Variants in ADA2 observed in about 807,000 individuals in gnomAD.
ADA2 encodes adenosine deaminase CECR1.
In ADA2, 29 loss-of-function variants were observed where a neutral mutation model predicts 44.2. That is an observed-to-expected ratio of 0.66 (90% CI 0.49 to 0.89). The LOEUF (loss-of-function observed/expected upper bound fraction) is 0.89. Ranked by LOEUF, ADA2 falls within the 40% of genes least tolerant of loss-of-function variation. ADA2 has a pLI of 0.00. For synonymous variants in ADA2, 215 were observed against 234.9 expected, an observed-to-expected ratio of 0.92 and a Z score of 0.77; for missense variants, 637 against 644.8, an observed-to-expected ratio of 0.99 and a Z score of 0.13.
intron 6 of ADA2, among the ~76,000 whole-genome samples, chr22:17,188,886 T>TATATATATATATATATATA (rs1491152456): frequency 3.4e-4 from 20 of 59,586 alleles, no homozygotes; most frequent in South Asian, 5.9e-4. Context: ...TATATATATA[T>TATATATATATATATATATA]TTTGTAAAGA....
At chr22:17,201,967 C>CTTTTTTT (rs71200247) in intron 4 of ADA2, among the ~76,000 whole-genome samples, 872 of 103,078 alleles carry the variant, frequency 8.5e-3, no homozygotes, top group East Asian at 0.02. Flanking sequence ...TTTCTTTTTT[C>CTTTTTTT]TTTTTTTTTT....
chr22:17,193,179 A>G, intron 4 of ADA2: 1 of 1,394,782 alleles, frequency 7.2e-7, no homozygotes, highest in South Asian at 1.2e-5. Flanking sequence ...CTGATGTGCA[A>G]CAATCTCCCT....
intron 1 of ADA2, chr22:17,214,039 C>CAAAAAAAAAAAAAAAAAAAAAAAAAAA: frequency 3.5e-6 from 1 of 284,104 alleles, no homozygotes; most frequent in Non-Finnish European, 6.4e-6. Context: ...AACTCTGTCT[C>CAAAAAAAAAAAAAAAAAAAAAAAAAAA]AAAAAAAAAA....
At chr22:17,201,116 C>T (rs8142722) in intron 4 of ADA2, among the ~76,000 whole-genome samples, 9,452 of 149,944 alleles carry the variant, frequency 0.063, 969 homozygotes, top group African/African-American at 0.22. Flanking sequence ...GGCTGAGGCA[C>T]GAGAATCGCT....
At chr22:17,194,599 G>A (rs1389358781) in intron 4 of ADA2, among the ~76,000 whole-genome samples, 2 of 152,036 alleles carry the variant, frequency 1.3e-5, no homozygotes, top group East Asian at 1.9e-4. Flanking sequence ...AGCCTGGCAC[G>A]TCACACAGCC....
At chr22:17,220,719 C>G (rs556856435), upstream of ADA2, among the ~76,000 whole-genome samples, 15 of 152,258 alleles carry the variant, frequency 9.9e-5, no homozygotes, top group African/African-American at 2.9e-4. Flanking sequence ...AAATCTACCC[C>G]CAAAAGCCCA....
At chr22:17,190,372 T>C (rs1336787439) in intron 5 of ADA2, among the ~76,000 whole-genome samples, 9 of 152,214 alleles carry the variant, frequency 5.9e-5, no homozygotes, top group Admixed American at 5.9e-4. Context: ...CCTGCATCTC[T>C]GTCGGGGGTG....
At chr22:17,191,856 A>T (rs369927869) in intron 4 of ADA2, 46 bp from the exon 5 acceptor site, 1 of 1,572,036 alleles carries the variant, frequency 6.4e-7, no homozygotes, top group Non-Finnish European at 8.6e-7. Context: ...GCAGTGAGAG[A>T]CGCCACCCCC....
At chr22:17,209,830 A>T in intron 1 of ADA2, 107 bp from the exon 2 acceptor site, 1 of 636,122 alleles carries the variant, frequency 1.6e-6, no homozygotes, top group Admixed American at 3.0e-5. Flanking sequence ...ATATTGAAGG[A>T]TTCTTCTTCC....
intron 4 of ADA2, among the ~76,000 whole-genome samples, chr22:17,202,783 TTG>T (rs1371999496): frequency 6.6e-6 from 1 of 151,574 alleles, no homozygotes. Context: ...CTTTTTTTTT[TTG>T]TGTGTGTGTG....
chr22:17,184,574 G>A (rs1382073369), intron 7 of ADA2, among the ~76,000 whole-genome samples: 1 of 152,106 alleles, frequency 6.6e-6, no homozygotes, highest in South Asian at 2.1e-4. Context: ...TTGTAAAATC[G>A]GTGGGATGCA....
chr22:17,193,225 C>A, intron 4 of ADA2: 1 of 1,125,080 alleles, frequency 8.9e-7, no homozygotes. Flanking sequence ...CTCTAAGAAC[C>A]ACGAAGCCAT....
chr22:17,199,686 G>A, intron 4 of ADA2: 4 of 1,584,512 alleles, frequency 2.5e-6, no homozygotes, highest in East Asian at 2.3e-5. Flanking sequence ...TGAGGAAAGC[G>A]ACGAACTTAG....
At chr22:17,207,653 G>A (rs147455881) in intron 2 of ADA2, among the ~76,000 whole-genome samples, 222 of 152,138 alleles carry the variant, frequency 1.5e-3, no homozygotes, top group African/African-American at 5.2e-3. Flanking sequence ...GAGTGAGAGG[G>A]CATCAGGCTT....
intron 1 of ADA2, chr22:17,213,717 G>T: frequency 4.1e-6 from 1 of 245,630 alleles, no homozygotes; most frequent in South Asian, 4.4e-5. Context: ...GAAAATGCAG[G>T]AGAAGCGGCA....
intron 4 of ADA2, among the ~76,000 whole-genome samples, chr22:17,200,873 ACT>A (rs1324685961): frequency 1.4e-5 from 2 of 140,380 alleles, no homozygotes; most frequent in African/African-American, 5.5e-5. Context: ...CAAGAGCGAA[ACT>A]CTGCCTCAAA....
chr22:17,217,692 C>T (rs533604877), intron 1 of ADA2, among the ~76,000 whole-genome samples: 10 of 152,126 alleles, frequency 6.6e-5, no homozygotes, highest in Non-Finnish European at 1.3e-4. Flanking sequence ...CCTGTAGTCC[C>T]AGCTATTCAT....
Position 17,179,083 on chromosome 22 carries a change from A to ATG in ADA2, c.*2398_*2399dup, listed in dbSNP as rs2061940774. Reference sequence around the variant, plus strand: ...CTGTCTGAGAGCTCAGGTACAGGTCATGGAAGATGGATGAGAGGACATTCG... The same window carrying ATG: ...CTGTCTGAGAGCTCAGGTACAGGTCATGTGGAAGATGGATGAGAGGACATTCG... On this transcript the variant is annotated 3_prime_UTR_variant, in exon 10 of 10. Transcript: ENST00000399837. 6.6e-6 allele frequency: 1 copy of ATG among 152,268 alleles called. No homozygotes were observed. The highest frequency in any genetic ancestry group is 1.5e-5 in the Non-Finnish European group (1 of 68,072). 9.4% of individuals were successfully genotyped at this position (152,268 alleles called of 1,614,324 possible). A position where few individuals can be genotyped will look rare whatever the true frequency, so the allele number is the denominator to read the frequency against.
chr22:17,199,757 AC>A, intron 4 of ADA2: 1 of 1,456,190 alleles, frequency 6.9e-7, no homozygotes, highest in African/African-American at 1.4e-5. Context: ...AAGCTCTTTG[AC>A]CTTTCCAGGC....
Sources: allele counts gnomAD v4.1 joint callset (sites outside exome capture counted in the v4.1 genomes callset), GRCh38; gene constraint gnomAD v4.1.1; transcripts MANE v1.5; gene names NCBI Gene and HGNC (gene_info 2026-07-23, HGNC 2026-07-21).